The following ANKRD27 variants were observed in gnomAD, a reference collection of about 807,000 sequenced individuals.
The protein encoded by ANKRD27 is ankyrin repeat domain 27.
In ANKRD27, 112 loss-of-function variants were observed where a neutral mutation model predicts 129.7. The observed-to-expected ratio is 0.86, with a 90% CI of 0.74 to 1.01. The LOEUF (loss-of-function observed/expected upper bound fraction) is 1.01. Ranked by LOEUF, ANKRD27 falls within the 50% of genes least tolerant of loss-of-function variation. The pLI, the probability that ANKRD27 is intolerant of heterozygous loss-of-function variation, is 0.00. For synonymous variants in ANKRD27, 516 were observed against 511.2 expected, an observed-to-expected ratio of 1.01 and a Z score of -0.13; for missense variants, 1,258 against 1,300.5, an observed-to-expected ratio of 0.97 and a Z score of 0.50.
intron 2 of ANKRD27, among the ~76,000 whole-genome samples, chr19:32,650,463 G>T (rs34468872): frequency 0.024 from 3,719 of 152,224 alleles, 75 homozygotes; most frequent in East Asian, 0.12. Context: ...GAGGCAGGCA[G>T]ATCACTTGAG....
chr19:32,674,539 C>T (rs1022005402), intron 1 of ANKRD27, among the ~76,000 whole-genome samples: 12 of 147,814 alleles, frequency 8.1e-5, no homozygotes, highest in African/African-American at 2.3e-4. Context: ...AAGAGTTTTC[C>T]TTTAACAATC....
At chr19:32,623,132 A>G (rs926041696) in intron 17 of ANKRD27, among the ~76,000 whole-genome samples, 1 of 151,510 alleles carries the variant, frequency 6.6e-6, no homozygotes, top group Non-Finnish European at 1.5e-5. Flanking sequence ...CTGCCAATCA[A>G]TAAGAAGTGG....
intron 1 of ANKRD27, among the ~76,000 whole-genome samples, chr19:32,672,551 G>A (rs8113433): frequency 1.3e-5 from 2 of 152,144 alleles, no homozygotes; most frequent in African/African-American, 4.8e-5. Flanking sequence ...TAGGTGAGGG[G>A]CTAACCCCAG....
At chr19:32,628,318 C>G (rs1260596865) in intron 14 of ANKRD27, among the ~76,000 whole-genome samples, 153 bp from the exon 15 acceptor site, 1 of 152,194 alleles carries the variant, frequency 6.6e-6, no homozygotes, top group East Asian at 1.9e-4. Context: ...CAGTGCTCAC[C>G]CAGCATGAGG....
intron 4 of ANKRD27, among the ~76,000 whole-genome samples, chr19:32,644,901 A>C (rs564113912): frequency 1.0e-3 from 153 of 152,308 alleles, no homozygotes; most frequent in African/African-American, 3.4e-3. Flanking sequence ...TGCATAACTC[A>C]TGGGGGCAAC....
chr19:32,625,148 C>A (rs142634221), intron 17 of ANKRD27, among the ~76,000 whole-genome samples: 1 of 149,754 alleles, frequency 6.7e-6, no homozygotes, highest in South Asian at 2.1e-4. Context: ...CCCAGCTACT[C>A]GGGAGGCTGA....
At chr19:32,666,147 A>G (rs1029512084) in intron 1 of ANKRD27, among the ~76,000 whole-genome samples, 3 of 152,200 alleles carry the variant, frequency 2.0e-5, no homozygotes, top group African/African-American at 7.2e-5. Flanking sequence ...CGACTTTTCC[A>G]TAAGGATCGT....
chr19:32,656,610 G>GA (rs1423257746), intron 2 of ANKRD27, among the ~76,000 whole-genome samples: 3 of 106,974 alleles, frequency 2.8e-5, no homozygotes, highest in Non-Finnish European at 7.8e-5. Flanking sequence ...AACATAGTGA[G>GA]ACCCCATCTC....
rs768195635 is a variant in ANKRD27 at position 32,598,229 on chromosome 19, C to G, written c.3069G>C (p.Thr1023=). 14 of 1,614,042 alleles carry G rather than the reference C, an allele frequency of 8.7e-6. No homozygotes were observed. The highest frequency in any genetic ancestry group is 1.7e-5 in the Admixed American group (1 of 59,990). Residue 1023 remains threonine (T), a synonymous_variant, in exon 29 of 29, where the codon ACG becomes ACC. Transcript: ENST00000306065. The stretch of plus-strand genomic sequence containing the variant: ...CCTGGGACACGACCGCATCCTCTAC[C>G]GTGTGTCTCCGCAGCATCCGTCTGT... The part of the protein sequence containing the change: ...PGHRRMLRRH[T]VEDAVVSQGP...
Position 32,642,065 on chromosome 19 carries a change from C to T in ANKRD27, c.863G>A (p.Arg288Gln), listed in dbSNP as rs764583948. The T allele has an allele frequency of 1.4e-5, 23 of 1,610,902 alleles. No homozygotes were observed. Among genetic ancestry groups the T allele is most frequent in the African/African-American group, 1.3e-4 (10 of 74,864 alleles). ...CTGTGTAATGAGCTGCACCACTTTT[C>T]GCAAGCAGACAAGCTTCTGCTGTGG... Reference protein sequence around the residue: ...TSPQQKLVCLRKVVQLITQSP... With the variant: ...TSPQQKLVCLQKVVQLITQSP... The change falls in exon 10 of 29, where the codon CGA becomes CAA. Residue 288 changes from arginine (R) to glutamine (Q), a missense_variant. Arg to Gln is a conservative substitution (Grantham distance 43). Transcript: ENST00000306065.
intron 1 of ANKRD27, among the ~76,000 whole-genome samples, chr19:32,664,360 C>G (rs1299035972): frequency 1.3e-5 from 2 of 150,746 alleles, no homozygotes; most frequent in East Asian, 4.0e-4. Context: ...CAGTGGCTCA[C>G]ACCTGTAATC....
intron 12 of ANKRD27, among the ~76,000 whole-genome samples, chr19:32,633,940 G>A (rs1253145131): frequency 6.6e-6 from 1 of 152,052 alleles, no homozygotes; most frequent in African/African-American, 2.4e-5. Context: ...TGAGGCAGGA[G>A]GATCCCTTTG....
At chr19:32,604,205 C>G (rs1971695399) in intron 25 of ANKRD27, 58 bp downstream of exon 25, 1 of 1,532,922 alleles carries the variant, frequency 6.5e-7, no homozygotes. Context: ...ACAAAGGGAT[C>G]CAGAGGGAGC....
chr19:32,646,368 C>A, intron 4 of ANKRD27, 91 bp downstream of exon 4: 1 of 1,367,938 alleles, frequency 7.3e-7, no homozygotes, highest in African/African-American at 1.4e-5. Flanking sequence ...CATACCCGGC[C>A]TTGTTTAACC....
intron 1 of ANKRD27, among the ~76,000 whole-genome samples, chr19:32,659,912 C>A (rs71351183): frequency 0.026 from 3,877 of 152,012 alleles, 86 homozygotes; most frequent in East Asian, 0.12. Flanking sequence ...ACAAAAAAAA[C>A]CAATTATCTA....
intron 12 of ANKRD27, among the ~76,000 whole-genome samples, chr19:32,632,179 C>T (rs1191989238): frequency 6.6e-6 from 1 of 151,848 alleles, no homozygotes; most frequent in Non-Finnish European, 1.5e-5. Flanking sequence ...GTCCCAGTTA[C>T]TTGGGAGGCT....
chr19:32,658,786 G>C (rs1252961179), intron 2 of ANKRD27, 128 bp downstream of exon 2: 1 of 825,718 alleles, frequency 1.2e-6, no homozygotes, highest in East Asian at 2.6e-5. Flanking sequence ...CTCACTCACA[G>C]ACCAAGCACA....
chr19:32,633,329 CTG>C (rs1967032474), intron 12 of ANKRD27, among the ~76,000 whole-genome samples: 2 of 125,196 alleles, frequency 1.6e-5, no homozygotes, highest in Non-Finnish European at 1.6e-5. Flanking sequence ...GTTTTTTTAT[CTG>C]TTTTTTTTTT....
At chr19:32,620,180 G>A (rs1752127336) in intron 18 of ANKRD27, among the ~76,000 whole-genome samples, 1 of 151,768 alleles carries the variant, frequency 6.6e-6, no homozygotes, top group African/African-American at 2.4e-5. Context: ...GCCAGAAACA[G>A]GGATCTAACC....
Sources: allele counts gnomAD v4.1 joint callset (sites outside exome capture counted in the v4.1 genomes callset), GRCh38; gene constraint gnomAD v4.1.1; transcripts MANE v1.5; gene names NCBI Gene and HGNC (gene_info 2026-07-23, HGNC 2026-07-21).